PHF21A: variants seen among roughly 807,000 people sequenced by gnomAD.
The protein encoded by PHF21A is BHC80a.
PHF21A carries 11 observed loss-of-function variants against 82.5 expected under a neutral mutation model. The ratio of observed to expected loss-of-function variants is 0.13; its 90% CI spans 0.08 to 0.22. The LOEUF (loss-of-function observed/expected upper bound fraction) is 0.22. PHF21A is among the 10% of genes least tolerant of loss of function. PHF21A has a pLI of 1.00. For synonymous variants in PHF21A, 297 were observed against 302.8 expected (o/e 0.98, Z 0.20); for missense variants, 579 against 837.8 (o/e 0.69, Z 3.81).
intron 15 of PHF21A, among the ~76,000 whole-genome samples, chr11:45,938,702 G>A (rs920437652): frequency 6.6e-6 from 1 of 152,156 alleles, no homozygotes; most frequent in African/African-American, 2.4e-5. Flanking sequence ...ACGATATACT[G>A]TAATAAAAGA....
intron 6 of PHF21A, among the ~76,000 whole-genome samples, chr11:46,035,925 G>T (rs563342742): frequency 4.6e-5 from 7 of 152,270 alleles, no homozygotes; most frequent in Non-Finnish European, 5.9e-5. Context: ...ACACAGAGAG[G>T]TTTTAAGCAA....
chr11:46,053,214 A>G (rs754393987), intron 6 of PHF21A, among the ~76,000 whole-genome samples: 15 of 152,228 alleles, frequency 9.9e-5, no homozygotes, highest in Non-Finnish European at 1.5e-4. Flanking sequence ...TCTCTCATGG[A>G]TAGCAGAATA....
intron 1 of PHF21A, among the ~76,000 whole-genome samples, chr11:46,109,698 T>TG (rs1593358159): frequency 6.6e-6 from 1 of 152,158 alleles, no homozygotes; most frequent in East Asian, 1.9e-4. Flanking sequence ...ATTTGTCTAT[T>TG]GGGCCAGGCG....
intron 2 of PHF21A, among the ~76,000 whole-genome samples, chr11:46,091,715 T>C (rs1160827792): frequency 2.0e-5 from 3 of 152,176 alleles, no homozygotes; most frequent in Admixed American, 1.3e-4. Context: ...ACTATAGGAA[T>C]CTTAATCTTT....
intron 6 of PHF21A, among the ~76,000 whole-genome samples, chr11:46,030,853 G>GTT (rs1477886138): frequency 3.3e-5 from 5 of 151,298 alleles, no homozygotes; most frequent in African/African-American, 9.7e-5. Flanking sequence ...GTGTGTGTGT[G>GTT]TGTGTGTGTG....
At chr11:46,057,767 C>A (rs1384843128) in intron 6 of PHF21A, among the ~76,000 whole-genome samples, 1 of 152,130 alleles carries the variant, frequency 6.6e-6, no homozygotes, top group Non-Finnish European at 1.5e-5. Context: ...GCACTCCACA[C>A]TAACCTTGGC....
intron 11 of PHF21A, 41 bp from the exon 12 acceptor site, chr11:45,950,298 G>A: frequency 1.3e-6 from 2 of 1,585,024 alleles, no homozygotes; most frequent in Non-Finnish European, 8.6e-7. Context: ...TTCAGTCTGG[G>A]TTCTCACAAA....
Position 46,055,468 on chromosome 11 carries a change from G to A in PHF21A, c.153+21286C>T, listed in dbSNP as rs566901321. On this transcript the variant is annotated intron_variant, in intron 6 of 18. Transcript: ENST00000676320. The stretch of plus-strand genomic sequence containing the variant: ...CACCAGAACTGGCATTCAGAATGAG[G>A]AGTGACAATTAAACCAGTGAGTCAG... 1.9e-4 allele frequency among the ~76,000 whole-genome samples: 29 copies of A among 152,286 alleles called. No individual in the cohort carries two copies. In the South Asian group the frequency reaches 5.0e-3, roughly 26 times the overall value.
chr11:46,050,080 T>C (rs1018593033), intron 6 of PHF21A, among the ~76,000 whole-genome samples: 1 of 152,240 alleles, frequency 6.6e-6, no homozygotes, highest in Admixed American at 6.5e-5. Flanking sequence ...CCCAGCAGAG[T>C]TAGCGATTGC....
intron 4 of PHF21A, among the ~76,000 whole-genome samples, chr11:46,081,588 A>G (rs2096792527): frequency 6.6e-6 from 1 of 152,242 alleles, no homozygotes. Context: ...TGCATTTCAG[A>G]CAATCAGGGG....
At chr11:46,002,887 AAC>A (rs1171574903) in intron 6 of PHF21A, among the ~76,000 whole-genome samples, 2 of 152,218 alleles carry the variant, frequency 1.3e-5, no homozygotes, top group Non-Finnish European at 2.9e-5. Context: ...CAATGTATTT[AAC>A]ATTAAGTAGA....
chr11:46,021,167 T>C (rs73452216), intron 6 of PHF21A, among the ~76,000 whole-genome samples: 18,279 of 151,758 alleles, frequency 0.12, 1,327 homozygotes, highest in African/African-American at 0.21. Context: ...TCAAGTGATC[T>C]TCCCACCTCA....
At chr11:46,008,710 AAT>A (rs1277659911) in intron 6 of PHF21A, among the ~76,000 whole-genome samples, 1 of 152,200 alleles carries the variant, frequency 6.6e-6, no homozygotes, top group African/African-American at 2.4e-5. Context: ...GGAAAATAAT[AAT>A]ATATGTTTTA....
chr11:46,027,473 T>C (rs1446124109), intron 6 of PHF21A, among the ~76,000 whole-genome samples: 2 of 152,204 alleles, frequency 1.3e-5, no homozygotes, highest in Non-Finnish European at 2.9e-5. Flanking sequence ...ACCCTGCCCT[T>C]TCTGGGATGG....
At chr11:45,981,940 CTT>C (rs754937092) in intron 6 of PHF21A, among the ~76,000 whole-genome samples, 92 of 78,270 alleles carry the variant, frequency 1.2e-3, no homozygotes, top group East Asian at 5.4e-3. Context: ...TTTTGTTTTT[CTT>C]TTTTTTTTTT....
intron 1 of PHF21A, among the ~76,000 whole-genome samples, chr11:46,112,653 T>G (rs1469868156): frequency 1.7e-4 from 26 of 152,200 alleles, no homozygotes; most frequent in Admixed American, 1.6e-3. Flanking sequence ...CGTACAGATA[T>G]TCAAGATGTT....
At chr11:46,110,542 C>T (rs2097200121) in intron 1 of PHF21A, among the ~76,000 whole-genome samples, 1 of 134,492 alleles carries the variant, frequency 7.4e-6, no homozygotes. Flanking sequence ...AATGAGAATT[C>T]CTACAAACCT....
chr11:45,934,909 G>A, intron 18 of PHF21A: 3 of 374,454 alleles, frequency 8.0e-6, no homozygotes, highest in South Asian at 5.9e-5. Flanking sequence ...GGTATGGTGA[G>A]GAGGAGAAAG....
Position 45,933,773 on chromosome 11 carries a change from G to C in PHF21A, c.*195C>G, listed in dbSNP as rs1335248348. ...TTTCATGTAACATGGTCCAATCTTT[G>C]CATGTACACACAGAATAAGAAGGAT... On this transcript the variant is annotated 3_prime_UTR_variant, in exon 19 of 19. Transcript: ENST00000676320. 2 of 467,714 alleles carry C rather than the reference G, an allele frequency of 4.3e-6. No homozygotes were observed. The highest frequency in any genetic ancestry group is 7.4e-6 in the Non-Finnish European group (2 of 270,030). 29.0% of individuals were successfully genotyped at this position (467,714 alleles called of 1,614,324 possible).
Sources: gnomAD v4.1 joint callset for allele counts (sites outside exome capture counted in the v4.1 genomes callset) on GRCh38, gnomAD v4.1.1 for gene constraint, MANE v1.5 for transcripts, NCBI Gene and HGNC (gene_info 2026-07-23, HGNC 2026-07-21) for gene names.